The following MAML3 variants were observed in gnomAD, a reference collection of about 807,000 sequenced individuals.
MAML3 encodes mastermind like transcriptional coactivator 3, also known as mastermind-like protein 3.
MAML3 carries 27 observed loss-of-function variants against 101.9 expected under a neutral mutation model. That is an observed-to-expected ratio of 0.27 (90% CI 0.20 to 0.37). The LOEUF (loss-of-function observed/expected upper bound fraction) is 0.37, where lower values mean the gene tolerates loss of function less well. Ranked by LOEUF, MAML3 falls within the 10% of genes least tolerant of loss-of-function variation. MAML3 has a pLI of 1.00. For missense variants in MAML3, 1,316 were observed against 1,444.9 expected (o/e 0.91, Z 1.45); for synonymous variants, 501 against 555.9 (o/e 0.90, Z 1.39).
intron 1 of MAML3, among the ~76,000 whole-genome samples, chr4:139,919,114 A>G (rs1733078565): frequency 6.6e-6 from 1 of 152,170 alleles, no homozygotes; most frequent in African/African-American, 2.4e-5. Context: ...CTCAGAAAAA[A>G]TATTCTGGCA....
chr4:139,744,106 G>A (rs1231248112), intron 2 of MAML3, among the ~76,000 whole-genome samples: 1 of 152,182 alleles, frequency 6.6e-6, no homozygotes, highest in African/African-American at 2.4e-5. Flanking sequence ...CCTTGGGTAG[G>A]AACCTAGAGA....
intron 2 of MAML3, among the ~76,000 whole-genome samples, chr4:139,826,783 G>C (rs760741147): frequency 6.6e-6 from 1 of 152,120 alleles, no homozygotes; most frequent in Non-Finnish European, 1.5e-5. Flanking sequence ...GTGGTTTGTT[G>C]CTTCAGAGAA....
intron 1 of MAML3, among the ~76,000 whole-genome samples, chr4:140,147,988 G>C (rs1729094517): frequency 6.6e-6 from 1 of 151,942 alleles, no homozygotes; most frequent in African/African-American, 2.4e-5. Flanking sequence ...CAACCAAATG[G>C]GCAGGAAAAC....
Position 140,090,859 on chromosome 4 carries a change from T to C in MAML3, c.468+62001A>G, listed in dbSNP as rs187682380. 3.9e-5 allele frequency among the ~76,000 whole-genome samples: 6 copies of C among 152,302 alleles called. No individual in the cohort carries two copies. The South Asian group carries it at 1.0e-3, about 26-fold the overall frequency. On this transcript the variant is annotated intron_variant, in intron 1 of 4. Coordinates refer to ENST00000509479, the MANE Select transcript of MAML3 (RefSeq NM_018717.5). Reference sequence around the variant, plus strand: ...TAAGGTTGCAAGTTTGAGACCAGCCTGGCAAACATGGTGAAACACCGTCTC... The same window carrying C: ...TAAGGTTGCAAGTTTGAGACCAGCCCGGCAAACATGGTGAAACACCGTCTC...
chr4:139,960,548 G>A (rs1733993075), intron 1 of MAML3, among the ~76,000 whole-genome samples: 1 of 152,142 alleles, frequency 6.6e-6, no homozygotes, highest in African/African-American at 2.4e-5. Flanking sequence ...AAAATTACAG[G>A]GCAGCCACAG....
chr4:139,818,589 A>T (rs1427926601), intron 2 of MAML3, among the ~76,000 whole-genome samples: 1 of 152,232 alleles, frequency 6.6e-6, no homozygotes, highest in African/African-American at 2.4e-5. Context: ...CAGGAATAGG[A>T]AAATCATCAA....
chr4:140,130,794 C>T (rs751565830), intron 1 of MAML3, among the ~76,000 whole-genome samples: 3 of 152,136 alleles, frequency 2.0e-5, no homozygotes, highest in Non-Finnish European at 4.4e-5. Context: ...CAATATTATG[C>T]AGGTTCATTC....
chr4:139,728,635 C>A (rs180755500), intron 3 of MAML3, among the ~76,000 whole-genome samples: 1 of 152,194 alleles, frequency 6.6e-6, no homozygotes, highest in Non-Finnish European at 1.5e-5. Context: ...ACAGTTGCTA[C>A]GGAATGATCC....
chr4:139,971,787 G>T (rs1443169878), intron 1 of MAML3, among the ~76,000 whole-genome samples: 2 of 151,878 alleles, frequency 1.3e-5, no homozygotes, highest in Non-Finnish European at 2.9e-5. Flanking sequence ...GACTTTCTTT[G>T]GGGAGCCATT....
chr4:139,860,259 C>T (rs1278145681), intron 2 of MAML3, among the ~76,000 whole-genome samples: 1 of 152,182 alleles, frequency 6.6e-6, no homozygotes, highest in Non-Finnish European at 1.5e-5. Flanking sequence ...TGCTTGGCTT[C>T]CCACCGCGCC....
chr4:139,890,732 T>A lies in MAML3; in HGVS notation c.704A>T (p.His235Leu). The A allele has an allele frequency of 6.2e-7, 1 of 1,614,036 alleles. No homozygotes were observed. The highest frequency in any genetic ancestry group is 8.5e-7 in the Non-Finnish European group (1 of 1,179,906). ...TAGATCTTCTAGAAGCCCAGGAGTG[T>A]GAGTTCCACTGTTCTGCAAGGGCAA... ...PSLPLQNSGT[H>L]TPGLLEDLSK... The change falls in exon 2 of 5, where the codon CAC becomes CTC. Residue 235 changes from histidine to leucine, a missense_variant. His to Leu is a moderately conservative substitution (Grantham distance 99). Coordinates refer to ENST00000509479, the MANE Select transcript of MAML3 (RefSeq NM_018717.5). This position sits in a 1 kb window ranked among gnomAD's most constrained non-coding sequence, Gnocchi z 4.1.
At chr4:139,915,264 T>A (rs994330819) in intron 1 of MAML3, among the ~76,000 whole-genome samples, 1 of 152,198 alleles carries the variant, frequency 6.6e-6, no homozygotes, top group Non-Finnish European at 1.5e-5. Flanking sequence ...CCTCTTGAAT[T>A]AACAGCTCAC....
At chr4:139,993,216 G>A (rs1473538238) in intron 1 of MAML3, among the ~76,000 whole-genome samples, 1 of 151,758 alleles carries the variant, frequency 6.6e-6, no homozygotes, top group Non-Finnish European at 1.5e-5. Flanking sequence ...ACCAGGCATG[G>A]TGGCACACCC....
chr4:140,002,193 C>T (rs1271985788), intron 1 of MAML3, among the ~76,000 whole-genome samples: 1 of 152,088 alleles, frequency 6.6e-6, no homozygotes, highest in Non-Finnish European at 1.5e-5. Flanking sequence ...TATCTTTTGA[C>T]CAACAACTCT....
chr4:139,734,187 T>G (rs1728836596), intron 2 of MAML3, among the ~76,000 whole-genome samples: 2 of 152,214 alleles, frequency 1.3e-5, no homozygotes. Flanking sequence ...ACATGGCTTC[T>G]TTTAACCTCC....
chr4:140,053,270 C>T (rs1727299532), intron 1 of MAML3, among the ~76,000 whole-genome samples: 1 of 152,140 alleles, frequency 6.6e-6, no homozygotes, highest in African/African-American at 2.4e-5. Context: ...AGCATTCTCT[C>T]AACACCAACC....
chr4:140,108,596 C>T (rs1447959593), intron 1 of MAML3, among the ~76,000 whole-genome samples: 1 of 148,514 alleles, frequency 6.7e-6, no homozygotes, highest in Non-Finnish European at 1.5e-5. Flanking sequence ...ATACTAGATG[C>T]TCAACAAATG....
intron 2 of MAML3, among the ~76,000 whole-genome samples, chr4:139,776,196 G>A (rs1279933747): frequency 2.0e-5 from 3 of 152,076 alleles, no homozygotes; most frequent in Middle Eastern, 3.2e-3. Context: ...TTAATTTATG[G>A]TATTTTGCTC....
At chr4:140,014,385 T>C (rs1726610809) in intron 1 of MAML3, among the ~76,000 whole-genome samples, 3 of 152,210 alleles carry the variant, frequency 2.0e-5, no homozygotes, top group African/African-American at 7.2e-5. Context: ...CTGGAAAGAT[T>C]AGTTACATGT....
Sources: allele counts gnomAD v4.1 joint callset (sites outside exome capture counted in the v4.1 genomes callset), GRCh38; gene constraint gnomAD v4.1.1; non-coding constraint Gnocchi (gnomAD v3.1); transcripts MANE v1.5; gene names NCBI Gene and HGNC (gene_info 2026-07-23, HGNC 2026-07-21).